SLC2A9: variants seen among roughly 807,000 people sequenced by gnomAD.
The protein encoded by SLC2A9 is solute carrier family 2, facilitated glucose transporter member 9.
A neutral mutation model predicts 50.6 loss-of-function variants in SLC2A9; 39 were observed. The observed-to-expected ratio is 0.77, with a 90% CI of 0.60 to 1.01. The LOEUF is 1.01. Ranked by LOEUF, SLC2A9 falls within the 50% of genes least tolerant of loss-of-function variation. The pLI is 0.00. For missense variants in SLC2A9, 686 were observed against 677.6 expected, an observed-to-expected ratio of 1.01 and a Z score of -0.14; for synonymous variants, 324 against 276.9, an observed-to-expected ratio of 1.17 and a Z score of -1.69.
intron 6 of SLC2A9, among the ~76,000 whole-genome samples, chr4:9,938,553 G>A (rs1463824882): frequency 1.3e-5 from 2 of 152,144 alleles, no homozygotes; most frequent in Admixed American, 6.5e-5. Context: ...TTACAGGCGT[G>A]AGCCACTGCG....
rs76647638 is a variant in SLC2A9, at chr4:9,910,980, A to T, written c.1003-2635T>A. Reference sequence around the variant, plus strand: ...ACATGGAAACAGAGAGGGGAACATCATACACCAGGGCCTGTTGGGGTGTGG... The same window carrying T: ...ACATGGAAACAGAGAGGGGAACATCTTACACCAGGGCCTGTTGGGGTGTGG... On this transcript the variant is annotated intron_variant, in intron 7 of 11. Coordinates refer to ENST00000264784, the MANE Select transcript of SLC2A9 (RefSeq NM_020041.3). 5.5e-3 allele frequency among the ~76,000 whole-genome samples: 803 copies of T among 146,380 alleles called. 8 individuals are homozygous for T. Among genetic ancestry groups the T allele is most frequent in the African/African-American group, 0.018 (752 of 41,100 alleles).
chr4:10,006,649 A>C lies in SLC2A9; in HGVS notation c.250-9708T>G, dbSNP rs981187113. On this transcript the variant is annotated intron_variant, in intron 2 of 11. Transcript: ENST00000264784. ...GCCTCCTGTGTAGAAAAGAGCTCTC[A>C]CAGCACGCCTGAGACTTCTCTTCCT... is the stretch of plus-strand genomic sequence containing the variant. 7 of 152,126 alleles carry C rather than the reference A, an allele frequency of 4.6e-5. 1 individual carries two copies. Among genetic ancestry groups the C allele is most frequent in the Admixed American group, 3.9e-4 (6 of 15,282 alleles). 9.4% of individuals were successfully genotyped at this position (152,126 alleles called of 1,614,324 possible). A position where few individuals can be genotyped will look rare whatever the true frequency, so the allele number is the denominator to read the frequency against.
At chr4:10,001,042 G>A (rs893015633) in intron 2 of SLC2A9, among the ~76,000 whole-genome samples, 3 of 152,016 alleles carry the variant, frequency 2.0e-5, no homozygotes, top group Admixed American at 1.3e-4. Flanking sequence ...TTTGAAATGT[G>A]GTCATTGCAG....
At chr4:9,994,191 C>A (rs1044226944) in intron 3 of SLC2A9, among the ~76,000 whole-genome samples, 2 of 152,246 alleles carry the variant, frequency 1.3e-5, no homozygotes, top group African/African-American at 2.4e-5. Flanking sequence ...CATTTTGAAA[C>A]CTTGGTCCAA....
In SLC2A9 at chr4:10,006,967, G is replaced by T. The variant is rs570270272; in HGVS notation, c.250-10026C>A. On this transcript the variant is annotated intron_variant, in intron 2 of 11. Coordinates refer to ENST00000264784, the MANE Select transcript of SLC2A9 (RefSeq NM_020041.3). ...AATTTCACAAGAGTTGTCACAACTCGTTGCTGTGGGGATGAAGCGCGTCCC... is the reference window on the plus strand; with the variant it reads ...AATTTCACAAGAGTTGTCACAACTCTTTGCTGTGGGGATGAAGCGCGTCCC... Among the ~76,000 whole-genome samples, 12 of 151,920 alleles carry T rather than the reference G, an allele frequency of 7.9e-5. No homozygotes were observed. In the East Asian group the frequency reaches 1.7e-3, roughly 22 times the overall value.
intron 5 of SLC2A9, among the ~76,000 whole-genome samples, chr4:9,973,831 T>C (rs560524346): frequency 6.7e-6 from 1 of 150,180 alleles, no homozygotes; most frequent in Non-Finnish European, 1.5e-5. Flanking sequence ...CTGCACGTTG[T>C]GCACATGTAC....
chr4:9,918,335 C>G (rs1434218100), intron 7 of SLC2A9, among the ~76,000 whole-genome samples: 1 of 152,192 alleles, frequency 6.6e-6, no homozygotes, highest in East Asian at 1.9e-4. Context: ...GATGACAAGG[C>G]AGCAGGTACA....
intron 1 of SLC2A9, chr4:10,019,358 T>A: frequency 1.9e-6 from 1 of 517,392 alleles, no homozygotes; most frequent in Non-Finnish European, 3.5e-6. Context: ...GCAGCTGCTC[T>A]GGGCAGCTCC....
At chr4:9,888,735 C>T (rs62293300) in intron 9 of SLC2A9, among the ~76,000 whole-genome samples, 4,885 of 151,962 alleles carry the variant, frequency 0.032, 128 homozygotes, top group Middle Eastern at 0.075. Context: ...AGGGCACCAT[C>T]GGCGGGGGGG....
chr4:9,946,337 A>G (rs1749151692), intron 5 of SLC2A9, among the ~76,000 whole-genome samples: 1 of 152,240 alleles, frequency 6.6e-6, no homozygotes, highest in South Asian at 2.1e-4. Context: ...ACTTTAGTCC[A>G]TAAATAATAT....
chr4:9,845,157 G>A (rs1002770208), intron 10 of SLC2A9, among the ~76,000 whole-genome samples: 5 of 151,776 alleles, frequency 3.3e-5, no homozygotes, highest in African/African-American at 7.3e-5. Flanking sequence ...GGGACTACAG[G>A]TGCCCGCCAC....
chr4:9,849,363 C>T (rs545202553), intron 10 of SLC2A9, among the ~76,000 whole-genome samples: 9 of 152,290 alleles, frequency 5.9e-5, no homozygotes, highest in South Asian at 4.1e-4. Context: ...AAAAGAAGTT[C>T]GTGCCTCTCA....
intron 3 of SLC2A9, among the ~76,000 whole-genome samples, chr4:9,803,773 G>C (rs149187442): frequency 3.1e-4 from 47 of 152,318 alleles, no homozygotes; most frequent in African/African-American, 1.1e-3. Context: ...GGTGTCCTCA[G>C]TGCCTAGAAC....
rs758504361 is a variant in SLC2A9, at chr4:9,782,862, G to C, written n.386-2797C>G. The C allele has an allele frequency of 9.3e-6, 15 of 1,611,726 alleles. No individual in the cohort carries two copies. In the East Asian group the frequency reaches 2.0e-4, roughly 22 times the overall value. ...CAGAGCTGCCGGAGCAGCGCAGCCTGCGCGCCCGACACCAGCCTGCGCGCT... is the reference window on the plus strand; with the variant it reads ...CAGAGCTGCCGGAGCAGCGCAGCCTCCGCGCCCGACACCAGCCTGCGCGCT... On this transcript the variant is annotated intron_variant and non_coding_transcript_variant, in intron 3 of 3. Transcript: ENST00000503803.
chr4:9,888,945 G>A lies in SLC2A9; in HGVS notation c.1216-1303C>T, dbSNP rs142072700. Among the ~76,000 whole-genome samples, 42 of 152,236 alleles carry A rather than the reference G, an allele frequency of 2.8e-4. No individual in the cohort carries two copies. The South Asian group carries it at 5.0e-3, about 18-fold the overall frequency. Reference sequence around the variant, plus strand: ...ACTCACTAATTCAGCTGATTGATCCGAGCTGCCCCTGGGTGCCAGGCACTG... The same window carrying A: ...ACTCACTAATTCAGCTGATTGATCCAAGCTGCCCCTGGGTGCCAGGCACTG... On this transcript the variant is annotated intron_variant, in intron 9 of 11. Transcript: ENST00000264784.
chr4:9,800,754 T>C (rs1721292184), intron 3 of SLC2A9, among the ~76,000 whole-genome samples: 1 of 152,190 alleles, frequency 6.6e-6, no homozygotes, highest in Non-Finnish European at 1.5e-5. Flanking sequence ...GCATCAGGTA[T>C]TATAGGTAAT....
At chr4:10,012,930 G>A (rs548056412) in intron 2 of SLC2A9, among the ~76,000 whole-genome samples, 9 of 152,252 alleles carry the variant, frequency 5.9e-5, no homozygotes, top group South Asian at 4.1e-4. Context: ...GGTTTTGAGC[G>A]GAGGGACAAT....
downstream of SLC2A9, among the ~76,000 whole-genome samples, chr4:9,779,201 C>T (rs1014614663): frequency 1.3e-5 from 2 of 152,106 alleles, no homozygotes; most frequent in Non-Finnish European, 2.9e-5. Flanking sequence ...CCATACTTCC[C>T]TTCCCTCTGT....
At chr4:9,793,497 T>G (rs868407941) in intron 3 of SLC2A9, among the ~76,000 whole-genome samples, 18 of 152,196 alleles carry the variant, frequency 1.2e-4, no homozygotes, top group Admixed American at 3.3e-4. Context: ...TTGATGACAT[T>G]TATGCTTTCA....
Sources: gnomAD v4.1 joint callset for allele counts (sites outside exome capture counted in the v4.1 genomes callset) on GRCh38, gnomAD v4.1.1 for gene constraint, MANE v1.5 for transcripts, NCBI Gene and HGNC (gene_info 2026-07-23, HGNC 2026-07-21) for gene names.